INHBA: variants seen among roughly 807,000 people sequenced by gnomAD.
The protein encoded by INHBA is inhibin subunit beta A, also known as inhibin beta A chain.
Under a neutral mutation model 29.0 loss-of-function variants are expected in INHBA, and 1 was observed. The observed-to-expected ratio is 0.03, with a 90% CI of 0.01 to 0.16. The LOEUF (loss-of-function observed/expected upper bound fraction) is 0.16, where lower values mean the gene tolerates loss of function less well. Ranked by LOEUF, INHBA falls within the 10% of genes least tolerant of loss-of-function variation. INHBA has a pLI of 1.00. For synonymous variants in INHBA, 242 were observed against 216.8 expected (o/e 1.12, Z -1.02); for missense variants, 376 against 545.4 (o/e 0.69, Z 3.09).
rs1194214649 is a variant in INHBA, at chr7:41,689,749, G to C, written c.1182C>G (p.Thr394=). 6.2e-7 allele frequency: 1 copy of C among 1,613,930 alleles called. No homozygotes were observed. Among genetic ancestry groups the C allele is most frequent in the Admixed American group, 1.7e-5 (1 of 60,014 alleles). Residue 394 remains threonine, a synonymous_variant, in exon 3 of 3, where the codon ACC becomes ACG. Transcript: ENST00000242208. ...ACAACATGGACATGGGTCTCAGCTTGGTGGGCACACAGCACGATTTGAGGT... is the reference window on the plus strand; with the variant it reads ...ACAACATGGACATGGGTCTCAGCTTCGTGGGCACACAGCACGATTTGAGGT... ...FANLKSCCVP[T]KLRPMSMLYY... is the part of the protein sequence containing the mutation.
chr7:41,702,588 T>A (rs1794821006), intron 1 of INHBA, among the ~76,000 whole-genome samples: 1 of 152,224 alleles, frequency 6.6e-6, no homozygotes, highest in South Asian at 2.1e-4. Flanking sequence ...CCAAAATGTT[T>A]TGCAGTTCAA....
rs1794377842 is a variant in INHBA, at chr7:41,685,480, A to C, written c.*4170T>G. 6.6e-6 allele frequency: 1 copy of C among 152,112 alleles called. No individual in the cohort carries two copies. Among genetic ancestry groups the C allele is most frequent in the African/African-American group, 2.4e-5 (1 of 41,452 alleles). 9.4% of individuals were successfully genotyped at this position (152,112 alleles called of 1,614,324 possible). On this transcript the variant is annotated 3_prime_UTR_variant, in exon 3 of 3. Transcript: ENST00000242208. ...ACAAAACAAAACAAAACAAAAAACA[A>C]AGTAAAAAACCAACAAAATAGAAAC...
rs756846484 is a variant in INHBA, at chr7:41,686,509, G to A, written c.*3141C>T. On this transcript the variant is annotated 3_prime_UTR_variant, in exon 3 of 3. Coordinates refer to ENST00000242208, the MANE Select transcript of INHBA (RefSeq NM_002192.4). ...GAAAGAGTGGTTGTTCACAGGACTTGTATTTTCCAAGATGATTAAAGATGG... is the reference window on the plus strand; with the variant it reads ...GAAAGAGTGGTTGTTCACAGGACTTATATTTTCCAAGATGATTAAAGATGG... 1.3e-5 allele frequency: 2 copies of A among 152,020 alleles called. No individual in the cohort carries two copies. The highest frequency in any genetic ancestry group is 2.9e-5 in the Non-Finnish European group (2 of 67,970). The allele number at this position is 152,020 out of a possible 1,614,324, so 9.4% of individuals were successfully genotyped here. A position where few individuals can be genotyped will look rare whatever the true frequency, so the allele number is the denominator to read the frequency against.
chr7:41,697,162 C>G (rs761154673), intron 2 of INHBA, among the ~76,000 whole-genome samples: 2 of 152,172 alleles, frequency 1.3e-5, no homozygotes, highest in Admixed American at 6.5e-5. Context: ...CTTTACCCAT[C>G]CCTTCTATCT....
rs1794412641 is a variant in INHBA, at chr7:41,687,501, C to A, written c.*2149G>T. Reference sequence around the variant, plus strand: ...CAGGCAAGCTAAGTACTAGAATAAACTAGATAAAAACTTGGCTTTAAGCAT... The same window carrying A: ...CAGGCAAGCTAAGTACTAGAATAAAATAGATAAAAACTTGGCTTTAAGCAT... On this transcript the variant is annotated 3_prime_UTR_variant, in exon 3 of 3. Coordinates refer to ENST00000242208, the MANE Select transcript of INHBA (RefSeq NM_002192.4). 6.6e-6 allele frequency: 1 copy of A among 152,000 alleles called. No individual in the cohort carries two copies. The highest frequency in any genetic ancestry group is 1.5e-5 in the Non-Finnish European group (1 of 67,994). The allele number at this position is 152,000 out of a possible 1,614,324, so 9.4% of individuals were successfully genotyped here. A position where few individuals can be genotyped will look rare whatever the true frequency, so the allele number is the denominator to read the frequency against.
chr7:41,689,602 GTC>G lies in INHBA; in HGVS notation c.*46_*47del. 2 of 1,345,908 alleles carry G rather than the reference GTC, an allele frequency of 1.5e-6. No individual in the cohort carries two copies. Among genetic ancestry groups the G allele is most frequent in the Non-Finnish European group, 1.9e-6 (2 of 1,043,582 alleles). 83.4% of individuals were successfully genotyped at this position (1,345,908 alleles called of 1,614,324 possible). On this transcript the variant is annotated 3_prime_UTR_variant, in exon 3 of 3. Coordinates refer to ENST00000242208, the MANE Select transcript of INHBA (RefSeq NM_002192.4). ...TTAAAAATTTCTTCATTTTGCCACTGTCTTCTCTGGACAACTCTTGCTCCCTT... is the reference window on the plus strand; with the variant it reads ...TTAAAAATTTCTTCATTTTGCCACTGTTCTCTGGACAACTCTTGCTCCCTT...
chr7:41,703,422 T>C (rs1794839958), upstream of INHBA, among the ~76,000 whole-genome samples: 1 of 152,202 alleles, frequency 6.6e-6, no homozygotes, highest in Non-Finnish European at 1.5e-5. Context: ...ATATTCAGGT[T>C]CAGTTTTATG....
chr7:41,702,348 C>T (rs973302624), intron 1 of INHBA, among the ~76,000 whole-genome samples: 2 of 152,194 alleles, frequency 1.3e-5, no homozygotes, highest in Non-Finnish European at 2.9e-5. Flanking sequence ...AAGACTTTTT[C>T]TGTTACAAGT....
In INHBA at chr7:41,689,320, G is replaced by T. The variant is rs963108471; in HGVS notation, c.*330C>A. On this transcript the variant is annotated 3_prime_UTR_variant, in exon 3 of 3. Coordinates refer to ENST00000242208, the MANE Select transcript of INHBA (RefSeq NM_002192.4). ...TCAAGGCTCACAAGGGAACCTCAAGGGGGGAAAGGACAATACCCCGTTTAA... is the reference window on the plus strand; with the variant it reads ...TCAAGGCTCACAAGGGAACCTCAAGTGGGGAAAGGACAATACCCCGTTTAA... 5 of 281,810 alleles carry T rather than the reference G, an allele frequency of 1.8e-5. No individual in the cohort carries two copies. The highest frequency in any genetic ancestry group is 1.0e-4 in the Admixed American group (2 of 19,992). The allele number at this position is 281,810 out of a possible 1,614,324, so 17.5% of individuals were successfully genotyped here. A position where few individuals can be genotyped will look rare whatever the true frequency, so the allele number is the denominator to read the frequency against.
In INHBA at chr7:41,685,696, C is replaced by T. The variant is rs1230336534; in HGVS notation, c.*3954G>A. On this transcript the variant is annotated 3_prime_UTR_variant, in exon 3 of 3. Transcript: ENST00000242208. ...AAATTAATACAGAAGAAATGATTCA[C>T]TTTATGCATAAAAAATAAATAATAA... 6.6e-6 allele frequency: 1 copy of T among 152,074 alleles called. No individual in the cohort carries two copies. The highest frequency in any genetic ancestry group is 1.5e-5 in the Non-Finnish European group (1 of 67,960). The allele number at this position is 152,074 out of a possible 1,614,324, so 9.4% of individuals were successfully genotyped here. A position where few individuals can be genotyped will look rare whatever the true frequency, so the allele number is the denominator to read the frequency against.
At chr7:41,701,105 G>T (rs1471641126) in intron 1 of INHBA, among the ~76,000 whole-genome samples, 1 of 150,990 alleles carries the variant, frequency 6.6e-6, no homozygotes, top group Non-Finnish European at 1.5e-5. Flanking sequence ...TTCTTTCTCT[G>T]CCCAGTCTCC....
intron 1 of INHBA, among the ~76,000 whole-genome samples, chr7:41,701,127 T>G (rs1241395224): frequency 6.6e-6 from 1 of 152,162 alleles, no homozygotes; most frequent in African/African-American, 2.4e-5. Flanking sequence ...GGTTTCACCT[T>G]CTTCCTTTTT....
rs918620111 is a variant in INHBA at position 41,689,079 on chromosome 7, A to G, written c.*571T>C. 8 of 232,682 alleles carry G rather than the reference A, an allele frequency of 3.4e-5. No homozygotes were observed. The highest frequency in any genetic ancestry group is 1.8e-4 in the African/African-American group (8 of 44,828). The allele number at this position is 232,682 out of a possible 1,614,324, so 14.4% of individuals were successfully genotyped here. ...CGATTGTTCTTTTACCAGTATGTGT[A>G]TATATGTAATGTGTGGAAATGCCTG... On this transcript the variant is annotated 3_prime_UTR_variant, in exon 3 of 3. Transcript: ENST00000242208.
intron 2 of INHBA, among the ~76,000 whole-genome samples, chr7:41,696,540 A>G (rs1794651950): frequency 1.3e-5 from 2 of 152,174 alleles, no homozygotes; most frequent in Admixed American, 1.3e-4. Flanking sequence ...TTAGGGCGCT[A>G]CAGACAGGGG....
In INHBA at chr7:41,689,454, G is replaced by A. The variant is rs1047938669; in HGVS notation, c.*196C>T. 1 of 533,070 alleles carries A rather than the reference G, an allele frequency of 1.9e-6. No homozygotes were observed. Among genetic ancestry groups the A allele is most frequent in the Non-Finnish European group, 3.1e-6 (1 of 318,002 alleles). The allele number at this position is 533,070 out of a possible 1,614,324, so 33.0% of individuals were successfully genotyped here. On this transcript the variant is annotated 3_prime_UTR_variant, in exon 3 of 3. Coordinates refer to ENST00000242208, the MANE Select transcript of INHBA (RefSeq NM_002192.4). The stretch of plus-strand genomic sequence containing the variant: ...TGCTTCATCTCTGAGCCCTGGCTAA[G>A]GATTTTTTCCACATCTTCCTTCATC...
At position 41,688,584 on chromosome 7, in the gene INHBA, TAGC is replaced by T. The variant is rs1051145782; in HGVS notation, c.*1063_*1065del. The T allele has an allele frequency of 6.6e-6, 1 of 151,686 alleles. No individual in the cohort carries two copies. The highest frequency in any genetic ancestry group is 2.4e-5 in the African/African-American group (1 of 41,350). 9.4% of individuals were successfully genotyped at this position (151,686 alleles called of 1,614,324 possible). A position where few individuals can be genotyped will look rare whatever the true frequency, so the allele number is the denominator to read the frequency against. On this transcript the variant is annotated 3_prime_UTR_variant, in exon 3 of 3. Coordinates refer to ENST00000242208, the MANE Select transcript of INHBA (RefSeq NM_002192.4). ...ATAAAAATAGCTATTTTGTGTGCTG[TAGC>T]AGTTCTTTTATAGCTCACATTAAGT...
At chr7:41,697,974 G>A (rs1794686724) in intron 2 of INHBA, among the ~76,000 whole-genome samples, 1 of 152,176 alleles carries the variant, frequency 6.6e-6, no homozygotes, top group African/African-American at 2.4e-5. Context: ...AGAATCCAAA[G>A]TCAAGTTGTA....
chr7:41,695,128 T>C (rs532836624), intron 2 of INHBA, among the ~76,000 whole-genome samples: 3 of 152,356 alleles, frequency 2.0e-5, no homozygotes, highest in Admixed American at 6.5e-5. Flanking sequence ...CATTTTCAGT[T>C]AAATAAGCAA....
chr7:41,690,031 A>T lies in INHBA; in HGVS notation c.900T>A (p.Ser300=), dbSNP rs1794465364. Residue 300 remains serine (S), a synonymous_variant, in exon 3 of 3, where the codon TCT becomes TCA. Transcript: ENST00000242208. The part of the protein sequence containing the change: ...RPFLMLQARQ[S]EDHPHRRRRR... ...GACGCCGGCGATGAGGGTGGTCTTC[A>T]GACTGCCGGGCCTGCAGCATGAGGA... The T allele has an allele frequency of 6.2e-7, 1 of 1,613,988 alleles. No individual in the cohort carries two copies. The highest frequency in any genetic ancestry group is 8.5e-7 in the Non-Finnish European group (1 of 1,180,042).
Sources: gnomAD v4.1 joint callset for allele counts (sites outside exome capture counted in the v4.1 genomes callset) on GRCh38, gnomAD v4.1.1 for gene constraint, MANE v1.5 for transcripts, NCBI Gene and HGNC (gene_info 2026-07-23, HGNC 2026-07-21) for gene names.